The following DNAJC1 variants were observed in gnomAD, a reference collection of about 807,000 sequenced individuals.
DNAJC1 encodes the protein DnaJ heat shock protein family (Hsp40) member C1, also known as dnaJ homolog subfamily C member 1.
In DNAJC1, 58 loss-of-function variants were observed where a neutral mutation model predicts 76.6. That is an observed-to-expected ratio of 0.76 (90% CI 0.61 to 0.94). The LOEUF (loss-of-function observed/expected upper bound fraction) is 0.94. Among genes scored for constraint, DNAJC1 ranks in the 40% least tolerant of loss-of-function variants. DNAJC1 has a pLI of 0.00. For missense variants in DNAJC1, 689 were observed against 677.3 expected (o/e 1.02, Z -0.19); for synonymous variants, 258 against 267.9 (o/e 0.96, Z 0.36).
At chr10:21,770,991 T>C (rs985707383) in intron 9 of DNAJC1, among the ~76,000 whole-genome samples, 3 of 152,202 alleles carry the variant, frequency 2.0e-5, no homozygotes, top group Non-Finnish European at 4.4e-5. Flanking sequence ...AACAATGTTA[T>C]ATAGTTTTCA....
rs371666373 is a variant in DNAJC1 at position 21,888,813 on chromosome 10, A to G, written c.821-6374T>C. Reference sequence around the variant, plus strand: ...GGGAGGAGGGAGAGGAGTAGAAATGATAACTATTGGGTACTGGACTTAATA... The same window carrying G: ...GGGAGGAGGGAGAGGAGTAGAAATGGTAACTATTGGGTACTGGACTTAATA... On this transcript the variant is annotated intron_variant, in intron 7 of 11. Coordinates refer to ENST00000376980, the MANE Select transcript of DNAJC1 (RefSeq NM_022365.4). Among the ~76,000 whole-genome samples, 6 of 152,272 alleles carry G rather than the reference A, an allele frequency of 3.9e-5. No individual in the cohort carries two copies. In the East Asian group the frequency reaches 9.7e-4, roughly 25 times the overall value.
chr10:21,962,972 A>G (rs1267889959), intron 1 of DNAJC1, among the ~76,000 whole-genome samples: 1 of 152,196 alleles, frequency 6.6e-6, no homozygotes, highest in Non-Finnish European at 1.5e-5. Context: ...TAGAATAAGC[A>G]GTTCCCTCAT....
chr10:21,874,450 G>A (rs1241787495), intron 8 of DNAJC1, among the ~76,000 whole-genome samples: 1 of 151,378 alleles, frequency 6.6e-6, no homozygotes, highest in Non-Finnish European at 1.5e-5. Flanking sequence ...AAAAAAAAGA[G>A]AGAGATGAGG....
At chr10:21,988,033 C>T (rs1838273795) in intron 1 of DNAJC1, among the ~76,000 whole-genome samples, 2 of 152,214 alleles carry the variant, frequency 1.3e-5, no homozygotes, top group South Asian at 4.1e-4. Context: ...TTTCACAGCA[C>T]ACCAAGAATG....
Position 21,777,905 on chromosome 10 carries a change from A to G in DNAJC1, c.1099-11596T>C, listed in dbSNP as rs1834474236. ...AACTACCTTGTAAAATTGATATCAC[A>G]GGCTGGGCATGGTGGCTCATGCCTG... On this transcript the variant is annotated intron_variant, in intron 9 of 11. Coordinates refer to ENST00000376980, the MANE Select transcript of DNAJC1 (RefSeq NM_022365.4). 2.6e-5 allele frequency among the ~76,000 whole-genome samples: 4 copies of G among 152,226 alleles called. No homozygotes were observed. In the East Asian group the frequency reaches 7.7e-4, roughly 29 times the overall value.
chr10:21,901,303 T>C (rs1397156927), intron 7 of DNAJC1, among the ~76,000 whole-genome samples: 1 of 152,218 alleles, frequency 6.6e-6, no homozygotes, highest in Admixed American at 6.5e-5. Flanking sequence ...CTATTCAAAT[T>C]GTGACCTTTA....
intron 6 of DNAJC1, 84 bp downstream of exon 6, chr10:21,918,695 T>A: frequency 1.0e-6 from 1 of 998,482 alleles, no homozygotes; most frequent in Non-Finnish European, 1.6e-6. Context: ...ATATCAGCAT[T>A]CAGAGAGCCG....
chr10:22,002,497 T>C (rs1049302341), intron 1 of DNAJC1, among the ~76,000 whole-genome samples: 3 of 152,214 alleles, frequency 2.0e-5, no homozygotes, highest in African/African-American at 7.2e-5. Context: ...AACCCATTCC[T>C]ACATTACTGA....
chr10:21,908,559 C>A (rs1382991241), intron 6 of DNAJC1, among the ~76,000 whole-genome samples: 1 of 143,232 alleles, frequency 7.0e-6, no homozygotes, highest in African/African-American at 2.6e-5. Flanking sequence ...AGCACAAAAA[C>A]TTATTTGGGT....
intron 1 of DNAJC1, among the ~76,000 whole-genome samples, chr10:21,956,485 GTAT>G (rs1223190244): frequency 6.6e-6 from 1 of 151,406 alleles, no homozygotes; most frequent in Non-Finnish European, 1.5e-5. Flanking sequence ...GACACTAGAG[GTAT>G]TATTTTCAAG....
intron 1 of DNAJC1, among the ~76,000 whole-genome samples, chr10:21,943,123 G>C (rs1837446557): frequency 1.3e-5 from 2 of 151,604 alleles, no homozygotes; most frequent in South Asian, 4.2e-4. Flanking sequence ...AAATCTATGA[G>C]AAATGAAATT....
rs551669258 is a variant in DNAJC1, at chr10:21,881,714, G to C, written c.978+568C>G. On this transcript the variant is annotated intron_variant, in intron 8 of 11. Coordinates refer to ENST00000376980, the MANE Select transcript of DNAJC1 (RefSeq NM_022365.4). ...ACAGATGACCATACCAGATGTTATA[G>C]TAATGAAAAGTTTGAAATACCACAA... Among the ~76,000 whole-genome samples, 5 of 152,010 alleles carry C rather than the reference G, an allele frequency of 3.3e-5. No individual in the cohort carries two copies. In the East Asian group the frequency reaches 9.6e-4, roughly 29 times the overall value.
chr10:21,860,896 T>C (rs1331448310), intron 8 of DNAJC1: 1 of 152,204 alleles, frequency 6.6e-6, no homozygotes, highest in Admixed American at 6.5e-5. Flanking sequence ...CACATTTCTA[T>C]GGTAAGTTCA....
intron 8 of DNAJC1, among the ~76,000 whole-genome samples, chr10:21,864,363 T>C (rs1411536895): frequency 6.6e-6 from 1 of 152,170 alleles, no homozygotes; most frequent in African/African-American, 2.4e-5. Context: ...GGCTCATGCC[T>C]GTAATCCCAG....
intron 9 of DNAJC1, chr10:21,803,750 T>A: frequency 1.3e-6 from 1 of 744,312 alleles, no homozygotes; most frequent in Non-Finnish European, 1.6e-6. Flanking sequence ...ATATATATAT[T>A]GACATAGAAG....
At chr10:21,766,418 T>A (rs1801839032) in intron 9 of DNAJC1, 109 bp from the exon 10 acceptor site, 2 of 827,788 alleles carry the variant, frequency 2.4e-6, no homozygotes. Context: ...CATTGGATCT[T>A]AGGCCTGAAA....
chr10:21,804,806 A>C (rs1325494725), intron 9 of DNAJC1, among the ~76,000 whole-genome samples: 8 of 152,072 alleles, frequency 5.3e-5, no homozygotes, highest in Admixed American at 6.6e-5. Context: ...AACAATATTC[A>C]TATATATAAT....
chr10:21,881,281 ATG>A (rs1836271465), intron 8 of DNAJC1, among the ~76,000 whole-genome samples: 1 of 152,138 alleles, frequency 6.6e-6, no homozygotes, highest in Non-Finnish European at 1.5e-5. Flanking sequence ...CTTACCTTTG[ATG>A]TATTCACTGG....
At chr10:21,812,335 G>T (rs1362654775) in intron 8 of DNAJC1, among the ~76,000 whole-genome samples, 1 of 152,114 alleles carries the variant, frequency 6.6e-6, no homozygotes, top group East Asian at 1.9e-4. Context: ...GGGATTACAG[G>T]TGTGAGCCAC....
Sources: allele counts gnomAD v4.1 joint callset (sites outside exome capture counted in the v4.1 genomes callset), GRCh38; gene constraint gnomAD v4.1.1; transcripts MANE v1.5; gene names NCBI Gene and HGNC (gene_info 2026-07-23, HGNC 2026-07-21).